Variants in PARD3 observed in about 807,000 individuals in gnomAD.
The protein encoded by PARD3 is partitioning defective 3 homolog.
Under a neutral mutation model 155.4 loss-of-function variants are expected in PARD3, and 75 were observed. The observed-to-expected ratio is 0.48, with a 90% CI of 0.40 to 0.58. The LOEUF is 0.58. PARD3 is among the 20% of genes least tolerant of loss of function. The pLI is 0.00. For synonymous variants in PARD3, 576 were observed against 610.5 expected (o/e 0.94, Z 0.83); for missense variants, 1,642 against 1,721.7 (o/e 0.95, Z 0.82).
intron 2 of PARD3, among the ~76,000 whole-genome samples, chr10:34,543,371 TGAGAA>T (rs2083794516): frequency 6.6e-6 from 1 of 151,830 alleles, no homozygotes; most frequent in African/African-American, 2.4e-5. Context: ...AGCTAATAAA[TGAGAA>T]GAGGACTGAA....
At chr10:34,321,513 C>T (rs1262370155) in intron 19 of PARD3, among the ~76,000 whole-genome samples, 1 of 152,172 alleles carries the variant, frequency 6.6e-6, no homozygotes, top group Non-Finnish European at 1.5e-5. Context: ...AACATTTCTG[C>T]CTGTTTAAAC....
chr10:34,731,078 T>G (rs11009898), intron 1 of PARD3, among the ~76,000 whole-genome samples: 42,238 of 152,112 alleles, frequency 0.28, 7,204 homozygotes, highest in Non-Finnish European at 0.38. Flanking sequence ...CATACTTGAT[T>G]AAGTCATCAT....
At chr10:34,389,031 T>C (rs548030434) in intron 7 of PARD3, among the ~76,000 whole-genome samples, 1 of 152,262 alleles carries the variant, frequency 6.6e-6, no homozygotes, top group African/African-American at 2.4e-5. Context: ...CTTGGCTTTA[T>C]GCTTTTCAAG....
intron 2 of PARD3, among the ~76,000 whole-genome samples, chr10:34,641,787 G>C (rs1374294229): frequency 1.3e-5 from 2 of 152,202 alleles, no homozygotes; most frequent in African/African-American, 2.4e-5. Context: ...CGCCTCGTGG[G>C]AACAGCTCAG....
intron 1 of PARD3, among the ~76,000 whole-genome samples, chr10:34,749,490 A>G (rs541279555): frequency 9.0e-4 from 137 of 151,536 alleles, no homozygotes; most frequent in African/African-American, 3.1e-3. Context: ...ATAATAAACT[A>G]TATATAAATT....
intron 23 of PARD3, 48 bp from the exon 24 acceptor site, chr10:34,119,788 A>G (rs1274311716): frequency 6.6e-7 from 1 of 1,507,670 alleles, no homozygotes; most frequent in Non-Finnish European, 9.0e-7. Flanking sequence ...AGTTCTGTAC[A>G]GATCACACAA....
chr10:34,141,153 G>A (rs1397110874), intron 22 of PARD3, among the ~76,000 whole-genome samples: 2 of 152,134 alleles, frequency 1.3e-5, no homozygotes, highest in Non-Finnish European at 2.9e-5. Flanking sequence ...CTGAATTATA[G>A]AGAAAGTCTA....
At chr10:34,445,575 C>T (rs886100288) in intron 5 of PARD3, among the ~76,000 whole-genome samples, 8 of 152,112 alleles carry the variant, frequency 5.3e-5, no homozygotes, top group Admixed American at 5.2e-4. Context: ...AATCAAAGCT[C>T]GGTCTTTGGT....
chr10:34,359,939 GT>G lies in PARD3; in HGVS notation c.1896+131del, dbSNP rs546210649. 653 of 670,488 alleles carry G rather than the reference GT, an allele frequency of 9.7e-4. 3 individuals are homozygous for G. The African/African-American group carries it at 0.011, about 11-fold the overall frequency. The allele number at this position is 670,488 out of a possible 1,614,324, so 41.5% of individuals were successfully genotyped here. ...TGACACATCACTGATACACCTAGTT[GT>G]TTAAATGTGAATGTGGGTACCATAA... On this transcript the variant is annotated intron_variant, in intron 13 of 24. Coordinates refer to ENST00000374788, the MANE Select transcript of PARD3 (RefSeq NM_001184785.2).
rs1955526550 is a variant in PARD3 at position 34,269,831 on chromosome 10, T to C, written c.3245A>G (p.Asp1082Gly). ...ATCACAGCCAAATGTCCGATGAAAATCTTGAATTTCAGCATAGTCACGCTC... is the reference window on the plus strand; with the variant it reads ...ATCACAGCCAAATGTCCGATGAAAACCTTGAATTTCAGCATAGTCACGCTC... ...ARERDYAEIQ[D>G]FHRTFGCDDE... The change falls in exon 22 of 25, where the codon GAT becomes GGT. Residue 1082 changes from aspartate to glycine, a missense_variant. Physicochemically the swap from Asp to Gly is moderately conservative, Grantham distance 94. Transcript: ENST00000374788. 3.1e-6 allele frequency: 5 copies of C among 1,613,900 alleles called. No homozygotes were observed. Among genetic ancestry groups the C allele is most frequent in the Non-Finnish European group, 4.2e-6 (5 of 1,179,938 alleles).
chr10:34,239,713 G>A (rs772833526), intron 22 of PARD3, among the ~76,000 whole-genome samples: 47 of 150,806 alleles, frequency 3.1e-4, no homozygotes, highest in Non-Finnish European at 6.2e-4. Flanking sequence ...TGCGACAAGA[G>A]AATCACTTGA....
chr10:34,563,051 A>G (rs1590030132), intron 2 of PARD3, among the ~76,000 whole-genome samples: 1 of 152,310 alleles, frequency 6.6e-6, no homozygotes, highest in East Asian at 1.9e-4. Flanking sequence ...GATTACAAGC[A>G]TAAGCCACCC....
chr10:34,497,883 T>G (rs2080399099), intron 3 of PARD3, among the ~76,000 whole-genome samples: 1 of 152,156 alleles, frequency 6.6e-6, no homozygotes, highest in African/African-American at 2.4e-5. Flanking sequence ...CAATTAATTA[T>G]AATAAAGTTA....
chr10:34,666,796 A>AAAAAAAAAAAAATAT (rs1358640964), intron 2 of PARD3, among the ~76,000 whole-genome samples: 2 of 66,958 alleles, frequency 3.0e-5, no homozygotes, highest in African/African-American at 6.1e-5. Context: ...AAAAAAAAAA[A>AAAAAAAAAAAAATAT]ATATATATAT....
At chr10:34,795,273 G>GGCAGGTCC (rs1447194676) in intron 1 of PARD3, among the ~76,000 whole-genome samples, 9 of 152,174 alleles carry the variant, frequency 5.9e-5, no homozygotes, top group Non-Finnish European at 1.2e-4. Flanking sequence ...TTAAAATCAC[G>GGCAGGTCC]GCAGGTCCGG....
chr10:34,767,082 T>C (rs895487349), intron 1 of PARD3, among the ~76,000 whole-genome samples: 1 of 151,992 alleles, frequency 6.6e-6, no homozygotes, highest in Non-Finnish European at 1.5e-5. Context: ...TGGGGCAAAC[T>C]GGAGACAGAG....
intron 2 of PARD3, among the ~76,000 whole-genome samples, chr10:34,573,419 C>G (rs1372212048): frequency 6.6e-6 from 1 of 150,732 alleles, no homozygotes; most frequent in East Asian, 2.0e-4. Flanking sequence ...TACACAGAAT[C>G]GAGCAGGTGC....
At chr10:34,261,717 AAAGG>A (rs758884540) in intron 22 of PARD3, among the ~76,000 whole-genome samples, 1 of 114,334 alleles carries the variant, frequency 8.7e-6, no homozygotes, top group South Asian at 2.8e-4. Flanking sequence ...AGGAAGGAAG[AAAGG>A]AAGAAAGGAA....
At chr10:34,350,270 G>T (rs1037442657) in intron 14 of PARD3, among the ~76,000 whole-genome samples, 1 of 152,168 alleles carries the variant, frequency 6.6e-6, no homozygotes, top group African/African-American at 2.4e-5. Context: ...CAACCCCAGT[G>T]GTCCTGGGAG....
Sources: allele counts gnomAD v4.1 joint callset (sites outside exome capture counted in the v4.1 genomes callset), GRCh38; gene constraint gnomAD v4.1.1; transcripts MANE v1.5; gene names NCBI Gene and HGNC (gene_info 2026-07-23, HGNC 2026-07-21).